The following NGF variants were observed in gnomAD, a reference collection of about 807,000 sequenced individuals.
The protein encoded by NGF is nerve growth factor, also known as beta-nerve growth factor.
Under a neutral mutation model 12.8 loss-of-function variants are expected in NGF, and 4 were observed. That is an observed-to-expected ratio of 0.31 (90% confidence interval 0.15 to 0.72). The LOEUF is 0.72. NGF is among the 30% of genes least tolerant of loss of function. The pLI, the probability that NGF is intolerant of heterozygous loss-of-function variation, is 0.69. For missense variants in NGF, 283 were observed against 330.8 expected (o/e 0.86, Z 1.12); for synonymous variants, 140 against 130.0 (o/e 1.08, Z -0.52).
intron 1 of NGF, among the ~76,000 whole-genome samples, chr1:115,311,935 A>C (rs1423361690): frequency 6.6e-6 from 1 of 152,214 alleles, no homozygotes; most frequent in Non-Finnish European, 1.5e-5. Flanking sequence ...AATTGTGGCT[A>C]ACCCTAATCT....
At chr1:115,329,674 T>C (rs544527343) in intron 1 of NGF, among the ~76,000 whole-genome samples, 2 of 152,276 alleles carry the variant, frequency 1.3e-5, no homozygotes, top group South Asian at 4.2e-4. Context: ...TCTTTCATTT[T>C]TTTCCCTAAT....
chr1:115,310,750 G>T (rs1043803143), intron 1 of NGF, among the ~76,000 whole-genome samples: 1 of 151,634 alleles, frequency 6.6e-6, no homozygotes. Context: ...CTCACATAAG[G>T]TTTGTATATA....
At chr1:115,319,671 TG>T (rs1230389097) in intron 1 of NGF, among the ~76,000 whole-genome samples, 2 of 152,224 alleles carry the variant, frequency 1.3e-5, no homozygotes, top group African/African-American at 4.8e-5. Flanking sequence ...CCTACTCACC[TG>T]GCATTTCTGG....
At chr1:115,296,774 G>A (rs1001741697) in intron 1 of NGF, among the ~76,000 whole-genome samples, 5 of 152,160 alleles carry the variant, frequency 3.3e-5, no homozygotes, top group Admixed American at 3.3e-4. Context: ...ATTGTTTTTA[G>A]TCTCATGCTG....
intron 1 of NGF, among the ~76,000 whole-genome samples, chr1:115,305,005 C>G (rs1654160297): frequency 6.6e-6 from 1 of 152,098 alleles, no homozygotes. Context: ...CCCAAGAGTC[C>G]TCTTCGGCCT....
rs192800134 is a variant in NGF at position 115,309,311 on chromosome 1, G to C, written c.-136-15561C>G. The stretch of plus-strand genomic sequence containing the variant: ...TACAGACACAGGGGAATAAAGACTA[G>C]AAGGAAATATAATATGTATTAGCAG... On this transcript the variant is annotated intron_variant, in intron 1 of 2. Transcript: ENST00000369512. 3.9e-5 allele frequency among the ~76,000 whole-genome samples: 6 copies of C among 152,302 alleles called. No individual in the cohort carries two copies. The East Asian group carries it at 1.2e-3, about 29-fold the overall frequency.
At chr1:115,304,914 G>A (rs1334527588) in intron 1 of NGF, among the ~76,000 whole-genome samples, 1 of 152,116 alleles carries the variant, frequency 6.6e-6, no homozygotes, top group Admixed American at 6.5e-5. Context: ...AGTGACTGCT[G>A]GGTCACTAGG....
At chr1:115,311,780 A>C (rs1188413746) in intron 1 of NGF, among the ~76,000 whole-genome samples, 2 of 152,210 alleles carry the variant, frequency 1.3e-5, no homozygotes, top group African/African-American at 4.8e-5. Flanking sequence ...TTTACTGAGC[A>C]TACAATTAGG....
rs1202761666 is a variant in NGF at position 115,293,614 on chromosome 1, C to T, written c.-13+13G>A. ...GAGGACCTTGGCAAGGCCAAGGTCC[C>T]TTAGGCACTTACCTCAGTGTGGCCA... is the stretch of plus-strand genomic sequence containing the variant. On this transcript the variant is annotated intron_variant, in intron 2 of 2. Transcript: ENST00000369512. 1 of 152,740 alleles carries T rather than the reference C, an allele frequency of 6.5e-6. No individual in the cohort carries two copies. The highest frequency in any genetic ancestry group is 1.5e-5 in the Non-Finnish European group (1 of 68,134). The allele number at this position is 152,740 out of a possible 1,614,324, so 9.5% of individuals were successfully genotyped here. A position where few individuals can be genotyped will look rare whatever the true frequency, so the allele number is the denominator to read the frequency against.
In NGF at chr1:115,286,103, A is replaced by C. The variant is rs1474548348; in HGVS notation, c.693T>G (p.Cys231Trp). The change falls in exon 3 of 3, where the codon TGT becomes TGG. Residue 231 changes from cysteine (C) to tryptophan (W), a missense_variant. Cys to Trp is a radical substitution (Grantham distance 215). Around this residue, in one of 2 missense-constraint regions of NGF, gnomAD observed 132 missense variants for 189.2 expected, o/e 0.70. Coordinates refer to ENST00000369512, the MANE Select transcript of NGF (RefSeq NM_002506.3). Reference sequence around the variant, plus strand: ...TTCTCACAGCCTTCCTGCTGAGCACACACACACAGGCCGTATCTATCCGGA... The same window carrying C: ...TTCTCACAGCCTTCCTGCTGAGCACCCACACACAGGCCGTATCTATCCGGA... ...RFIRIDTACV[C>W]VLSRKAVRRA 1 of 1,613,668 alleles carries C rather than the reference A, an allele frequency of 6.2e-7. No homozygotes were observed. The highest frequency in any genetic ancestry group is 1.3e-5 in the African/African-American group (1 of 74,906).
chr1:115,315,100 G>A (rs930430981), intron 1 of NGF, among the ~76,000 whole-genome samples: 3 of 152,178 alleles, frequency 2.0e-5, no homozygotes, highest in Non-Finnish European at 4.4e-5. Flanking sequence ...CTGTGGCTGG[G>A]GCAGAGTTTT....
chr1:115,324,321 A>G (rs911092876), intron 1 of NGF, among the ~76,000 whole-genome samples: 34 of 152,290 alleles, frequency 2.2e-4, no homozygotes, highest in African/African-American at 8.2e-4. Context: ...AACAGGACTC[A>G]GTCTCTGCCA....
At chr1:115,334,442 A>AT (rs1217691226) in intron 1 of NGF, among the ~76,000 whole-genome samples, 1 of 151,924 alleles carries the variant, frequency 6.6e-6, no homozygotes, top group Non-Finnish European at 1.5e-5. Flanking sequence ...ACTCTTTCTG[A>AT]TTTTCTTTTC....
chr1:115,337,681 T>G (rs1323997711), intron 1 of NGF, among the ~76,000 whole-genome samples: 1 of 152,080 alleles, frequency 6.6e-6, no homozygotes, highest in Non-Finnish European at 1.5e-5. Flanking sequence ...GCCCCAGGTC[T>G]AGCGCGCCCC....
chr1:115,331,386 G>A (rs987056738), intron 1 of NGF, among the ~76,000 whole-genome samples: 1 of 152,174 alleles, frequency 6.6e-6, no homozygotes, highest in African/African-American at 2.4e-5. Flanking sequence ...CCTCCGAGGA[G>A]CCTCCCTGAA....
intron 1 of NGF, among the ~76,000 whole-genome samples, chr1:115,315,716 A>G (rs915757368): frequency 2.0e-5 from 3 of 152,218 alleles, no homozygotes; most frequent in African/African-American, 7.2e-5. Flanking sequence ...GTCAAGGGCT[A>G]TAAATGTACA....
At chr1:115,323,062 C>T (rs539594248) in intron 1 of NGF, among the ~76,000 whole-genome samples, 1 of 152,264 alleles carries the variant, frequency 6.6e-6, no homozygotes, top group African/African-American at 2.4e-5. Flanking sequence ...TCTGGTTTTA[C>T]AATTCAGGAA....
intron 1 of NGF, among the ~76,000 whole-genome samples, chr1:115,327,829 G>A (rs1253669684): frequency 2.0e-5 from 3 of 152,174 alleles, no homozygotes; most frequent in Non-Finnish European, 4.4e-5. Flanking sequence ...GGAGGTGGGG[G>A]CAGGGCATGA....
At chr1:115,299,816 T>C (rs956521068) in intron 1 of NGF, among the ~76,000 whole-genome samples, 4 of 152,190 alleles carry the variant, frequency 2.6e-5, no homozygotes, top group Non-Finnish European at 5.9e-5. Flanking sequence ...AAAAATCTAT[T>C]TCAGTGATGC....
Sources: allele counts gnomAD v4.1 joint callset (sites outside exome capture counted in the v4.1 genomes callset), GRCh38; gene constraint gnomAD v4.1.1; regional missense constraint gnomAD v4.1.1; transcripts MANE v1.5; gene names NCBI Gene and HGNC (gene_info 2026-07-23, HGNC 2026-07-21).